The following LEPR variants were observed in gnomAD, a reference collection of about 807,000 sequenced individuals.
LEPR encodes the protein OB receptor.
A neutral mutation model predicts 114.7 loss-of-function variants in LEPR; 56 were observed. The observed-to-expected ratio is 0.49, with a 90% CI of 0.39 to 0.61. The LOEUF (loss-of-function observed/expected upper bound fraction) is 0.61. Among genes scored for constraint, LEPR ranks in the 20% least tolerant of loss-of-function variants. The pLI, the probability that LEPR is intolerant of heterozygous loss-of-function variation, is 0.00. For synonymous variants in LEPR, 443 were observed against 461.4 expected, an observed-to-expected ratio of 0.96 and a Z score of 0.51; for missense variants, 1,202 against 1,352.9, an observed-to-expected ratio of 0.89 and a Z score of 1.75.
chr1:65,629,475 A>T (rs2101033213), intron 19 of LEPR: 1 of 264,282 alleles, frequency 3.8e-6, no homozygotes, highest in Non-Finnish European at 7.3e-6. Flanking sequence ...ATGTGATTAC[A>T]CTTCTCAGTG....
chr1:65,442,449 T>C (rs1570456717), intron 2 of LEPR, among the ~76,000 whole-genome samples: 1 of 152,226 alleles, frequency 6.6e-6, no homozygotes, highest in Non-Finnish European at 1.5e-5. Context: ...TTGATTAATA[T>C]CTTTTGTCTC....
At chr1:65,430,338 A>C (rs921754275) in intron 2 of LEPR, 3 of 240,004 alleles carry the variant, frequency 1.2e-5, no homozygotes, top group African/African-American at 6.7e-5. Flanking sequence ...TAAATCTTAC[A>C]GTAATCCACA....
rs372417065 is a variant in LEPR, at chr1:65,610,311, A to T, written c.1995+15A>T. ...TACTTTGGAAGGTATTCCCAATTTT[A>T]ATATTAATCTTAAATTGTATTTTTA... On this transcript the variant is annotated intron_variant, in intron 14 of 19. Transcript: ENST00000349533. The T allele has an allele frequency of 2.8e-5, 45 of 1,582,922 alleles. No homozygotes were observed. The African/African-American group carries it at 4.3e-4, about 15-fold the overall frequency.
At chr1:65,618,217 A>G (rs1657646759) in intron 16 of LEPR, 71 bp downstream of exon 16, 1 of 1,424,114 alleles carries the variant, frequency 7.0e-7, no homozygotes, top group Admixed American at 1.9e-5. Context: ...AATTCTATTA[A>G]TATAGCCAGT....
At chr1:65,427,622 G>A (rs776162176) in intron 2 of LEPR, among the ~76,000 whole-genome samples, 16 of 152,076 alleles carry the variant, frequency 1.1e-4, no homozygotes, top group Non-Finnish European at 7.4e-5. Flanking sequence ...ATGTTCTGAC[G>A]CCCTTGACCA....
intron 2 of LEPR, among the ~76,000 whole-genome samples, chr1:65,544,069 T>G (rs1239990870): frequency 6.6e-6 from 1 of 152,116 alleles, no homozygotes; most frequent in Non-Finnish European, 1.5e-5. Flanking sequence ...TATAGCTGTT[T>G]TCACAATATT....
In LEPR at chr1:65,605,041, C is replaced by A. The variant is rs1283650500; in HGVS notation, c.1407C>A (p.Ser469Arg). 1 of 1,612,384 alleles carries A rather than the reference C, an allele frequency of 6.2e-7. No individual in the cohort carries two copies. The highest frequency in any genetic ancestry group is 8.5e-7 in the Non-Finnish European group (1 of 1,179,964). ...ACTATTTTTGTATCTTTTAAAGGAG[C>A]AGCCTTTACTGTTCTGATATTCCAT... Reference protein sequence around the residue: ...ESTLQLRYHRSSLYCSDIPSI... With the variant: ...ESTLQLRYHRRSLYCSDIPSI... Residue 469 changes from serine (S) to arginine (R), a missense_variant, in exon 11 of 20, where the codon AGC becomes AGA. Ser to Arg is a moderately radical substitution (Grantham distance 110, BLOSUM62 -1). Coordinates refer to ENST00000349533, the MANE Select transcript of LEPR (RefSeq NM_002303.6).
At chr1:65,557,410 A>G (rs1364694672) in intron 2 of LEPR, among the ~76,000 whole-genome samples, 2 of 152,052 alleles carry the variant, frequency 1.3e-5, no homozygotes, top group African/African-American at 4.8e-5. Flanking sequence ...AATTTAAAAA[A>G]TTTCTGTCAC....
At chr1:65,454,337 G>T (rs145942032) in intron 2 of LEPR, among the ~76,000 whole-genome samples, 11,333 of 151,654 alleles carry the variant, frequency 0.075, 512 homozygotes, top group African/African-American at 0.12. Context: ...GATGTTAGCT[G>T]GTTCTTTTGC....
chr1:65,636,937 T>G lies in LEPR; in HGVS notation c.3420T>G (p.Ser1140=). 6.2e-7 allele frequency: 1 copy of G among 1,609,364 alleles called. No homozygotes were observed. Among genetic ancestry groups the G allele is most frequent in the Non-Finnish European group, 8.5e-7 (1 of 1,178,536 alleles). The change falls in exon 20 of 20, where the codon TCT becomes TCG. Residue 1140 remains serine (S), a synonymous_variant. Transcript: ENST00000349533. ...CTTCTAGTAAGAAGACTTTTGCATC[T>G]TACATGCCTCAATTCCAAACTTGTT... ...LGTSSKKTFA[S]YMPQFQTCST...
At chr1:65,501,140 A>G (rs969227319) in intron 2 of LEPR, among the ~76,000 whole-genome samples, 1 of 151,914 alleles carries the variant, frequency 6.6e-6, no homozygotes, top group African/African-American at 2.4e-5. Flanking sequence ...TCTCTTTCTC[A>G]GTCTTCTCAG....
intron 3 of LEPR, among the ~76,000 whole-genome samples, chr1:65,568,882 T>C (rs920938826): frequency 4.6e-5 from 7 of 152,210 alleles, no homozygotes; most frequent in Admixed American, 3.3e-4. Flanking sequence ...TGGTATAAGA[T>C]GGTATCTCAT....
chr1:65,547,689 C>T (rs1651876442), intron 2 of LEPR, among the ~76,000 whole-genome samples: 1 of 150,282 alleles, frequency 6.7e-6, no homozygotes, highest in Admixed American at 6.6e-5. Flanking sequence ...CTATTTGATT[C>T]TTCTCTCTTT....
chr1:65,489,046 A>G (rs544855391), intron 2 of LEPR, among the ~76,000 whole-genome samples: 7 of 152,314 alleles, frequency 4.6e-5, no homozygotes, highest in African/African-American at 1.7e-4. Flanking sequence ...TTGATACCAA[A>G]TCTTGGCTAC....
intron 19 of LEPR, among the ~76,000 whole-genome samples, chr1:65,625,124 G>GAT (rs775335851): frequency 2.0e-5 from 3 of 152,202 alleles, no homozygotes; most frequent in East Asian, 1.9e-4. Context: ...TTCAGAGAGA[G>GAT]ATATATATAT....
intron 2 of LEPR, among the ~76,000 whole-genome samples, chr1:65,538,587 T>G (rs1299410650): frequency 6.6e-6 from 1 of 152,206 alleles, no homozygotes; most frequent in Non-Finnish European, 1.5e-5. Flanking sequence ...CTTCTTTGAC[T>G]GGATGTAAAA....
intron 11 of LEPR, among the ~76,000 whole-genome samples, chr1:65,608,182 T>A (rs960738901): frequency 6.6e-6 from 1 of 151,664 alleles, no homozygotes; most frequent in African/African-American, 2.4e-5. Flanking sequence ...TAATTAAAGT[T>A]CAATGGAGAA....
intron 2 of LEPR, among the ~76,000 whole-genome samples, chr1:65,437,094 G>A (rs1453607304): frequency 1.3e-5 from 2 of 152,158 alleles, no homozygotes; most frequent in African/African-American, 4.8e-5. Context: ...TGACAGTGCT[G>A]CTGTTAAAAT....
intron 3 of LEPR, among the ~76,000 whole-genome samples, chr1:65,569,066 A>G (rs1034600533): frequency 6.6e-6 from 1 of 151,770 alleles, no homozygotes; most frequent in Non-Finnish European, 1.5e-5. Flanking sequence ...TAAATTCTGG[A>G]TATTAGTCCT....
Sources: gnomAD v4.1 joint callset for allele counts (sites outside exome capture counted in the v4.1 genomes callset) on GRCh38, gnomAD v4.1.1 for gene constraint, MANE v1.5 for transcripts, NCBI Gene and HGNC (gene_info 2026-07-23, HGNC 2026-07-21) for gene names.